UROS: variants seen among roughly 807,000 people sequenced by gnomAD.
UROS encodes the protein uroporphyrinogen III synthase, also known as uroporphyrinogen-III synthase.
In UROS, 18 loss-of-function variants were observed where a neutral mutation model predicts 33.0. The observed-to-expected ratio is 0.55, with a 90% CI of 0.38 to 0.81. The LOEUF (loss-of-function observed/expected upper bound fraction) is 0.81, where lower values mean the gene tolerates loss of function less well. Among genes scored for constraint, UROS ranks in the 30% least tolerant of loss-of-function variants. The pLI is 0.00. For missense variants in UROS, 293 were observed against 314.9 expected (o/e 0.93, Z 0.53); for synonymous variants, 114 against 121.1 (o/e 0.94, Z 0.38).
chr10:125,786,652 T>G (rs1850640311), downstream of UROS, among the ~76,000 whole-genome samples: 2 of 152,302 alleles, frequency 1.3e-5, no homozygotes, highest in South Asian at 4.1e-4. Flanking sequence ...CAGTTGTATC[T>G]TTGAAGAAAA....
Position 125,788,603 on chromosome 10 carries a change from GTTTA to G in UROS, c.*261_*264del, listed in dbSNP as rs1589905418. On this transcript the variant is annotated 3_prime_UTR_variant, in exon 10 of 10. Coordinates refer to ENST00000368797, the MANE Select transcript of UROS (RefSeq NM_000375.3). ...TCAGTAAGCACAGGTAGTCAGTGTG[GTTTA>G]TTTGACTTCCTTCCTGCTGGGCACA... 1 of 1,396,572 alleles carries G rather than the reference GTTTA, an allele frequency of 7.2e-7. No homozygotes were observed. The highest frequency in any genetic ancestry group is 2.7e-4 in the Middle Eastern group (1 of 3,764). The allele number at this position is 1,396,572 out of a possible 1,614,324, so 86.5% of individuals were successfully genotyped here. A position where few individuals can be genotyped will look rare whatever the true frequency, so the allele number is the denominator to read the frequency against.
At chr10:125,803,127 G>A in intron 6 of UROS, 1 of 1,532,726 alleles carries the variant, frequency 6.5e-7, no homozygotes, top group Non-Finnish European at 8.9e-7. Context: ...GCCAGTCCTA[G>A]GCTTGAGCCC....
chr10:125,798,022 G>T, intron 7 of UROS, 43 bp downstream of exon 7: 1 of 1,606,062 alleles, frequency 6.2e-7, no homozygotes, highest in Non-Finnish European at 8.5e-7. Context: ...GCTCCTGGTG[G>T]ATCCCAAAGT....
chr10:125,805,722 T>C (rs1303564261), intron 6 of UROS, among the ~76,000 whole-genome samples: 2 of 152,100 alleles, frequency 1.3e-5, no homozygotes, highest in Non-Finnish European at 2.9e-5. Flanking sequence ...CAGCTTGCAG[T>C]GGACACGATT....
intron 1 of UROS, among the ~76,000 whole-genome samples, chr10:125,822,524 T>A (rs1229781442): frequency 6.6e-6 from 1 of 152,134 alleles, no homozygotes; most frequent in Non-Finnish European, 1.5e-5. Context: ...GATTTCGCCA[T>A]GTTGGGCAGG....
rs117807047 is a variant in UROS at position 125,799,566 on chromosome 10, G to A, written c.395-1421C>T. On this transcript the variant is annotated intron_variant, in intron 6 of 9. Transcript: ENST00000368797. ...CTTCCCTTGGCAGCACCTCTTGTGA[G>A]GGTCCAGTGGAGTCCTGAGCTGCTC... 6.2e-3 allele frequency among the ~76,000 whole-genome samples: 949 copies of A among 152,294 alleles called. 10 individuals are homozygous for A. The Middle Eastern group carries it at 0.085, about 14-fold the overall frequency.
Position 125,816,478 on chromosome 10 carries a change from C to A in UROS, c.22G>T (p.Asp8Tyr). ...TGGCCACAGTCATCTTCCTTCGCAT[C>A]CTTCAGTAAAAGAACCTTCATTATT... The part of the protein sequence containing the change: MKVLLLK[D>Y]AKEDDCGQDP... Residue 8 changes from aspartate to tyrosine, a missense_variant, in exon 2 of 10, where the codon GAT (aspartate) becomes TAT (tyrosine). By Grantham distance (160) the Asp-to-Tyr change is radical (BLOSUM62 -3). Transcript: ENST00000368797. 2 of 1,614,184 alleles carry A rather than the reference C, an allele frequency of 1.2e-6. No homozygotes were observed. Among genetic ancestry groups the A allele is most frequent in the Admixed American group, 1.7e-5 (1 of 60,018 alleles).
intron 4 of UROS, among the ~76,000 whole-genome samples, chr10:125,812,927 C>T (rs1852940660): frequency 6.6e-6 from 1 of 152,172 alleles, no homozygotes; most frequent in Admixed American, 6.5e-5. Flanking sequence ...GCATTCATTA[C>T]ATTTTTAGAA....
intron 8 of UROS, 103 bp from the exon 9 acceptor site, chr10:125,795,081 A>C (rs1407141694): frequency 1.8e-5 from 20 of 1,129,808 alleles, no homozygotes; most frequent in Non-Finnish European, 2.7e-5. Flanking sequence ...CAGGCCACCA[A>C]GGCGGTTTTA....
intron 1 of UROS, among the ~76,000 whole-genome samples, chr10:125,818,999 T>G (rs1040376467): frequency 6.8e-5 from 10 of 147,182 alleles, no homozygotes; most frequent in African/African-American, 2.3e-4. Context: ...TGTTGTTGTT[T>G]TTTGAGATGC....
chr10:125,821,795 A>G (rs1255713681), intron 1 of UROS, among the ~76,000 whole-genome samples: 1 of 152,204 alleles, frequency 6.6e-6, no homozygotes, highest in Non-Finnish European at 1.5e-5. Flanking sequence ...CATTACAGGA[A>G]CATGTTTTTG....
At chr10:125,800,277 C>G (rs2133856918) in intron 6 of UROS, among the ~76,000 whole-genome samples, 1 of 152,354 alleles carries the variant, frequency 6.6e-6, no homozygotes, top group South Asian at 2.1e-4. Context: ...AAACCAGCGA[C>G]CCAGGGGCAG....
At position 125,812,139 on chromosome 10, in the gene UROS, C is replaced by A. The variant is rs915235681; in HGVS notation, c.319+75G>T. The A allele has an allele frequency of 4.0e-5, 56 of 1,399,106 alleles. No homozygotes were observed. The African/African-American group carries it at 6.6e-4, about 16-fold the overall frequency. The allele number at this position is 1,399,106 out of a possible 1,614,324, so 86.7% of individuals were successfully genotyped here. On this transcript the variant is annotated intron_variant, in intron 5 of 9. Transcript: ENST00000368797. The stretch of plus-strand genomic sequence containing the variant: ...ATAAGCAAAAAATAATATTTTTAAA[C>A]TGAGTTAAACTGTTTTTTAAAACTG...
chr10:125,822,465 G>A (rs1854040395), intron 1 of UROS, among the ~76,000 whole-genome samples: 1 of 152,132 alleles, frequency 6.6e-6, no homozygotes, highest in African/African-American at 2.4e-5. Flanking sequence ...TGGGACTACA[G>A]GCGCGCACCA....
downstream of UROS, among the ~76,000 whole-genome samples, chr10:125,786,946 G>A (rs1850648678): frequency 2.6e-5 from 4 of 152,196 alleles, no homozygotes; most frequent in African/African-American, 9.7e-5. Flanking sequence ...GCCAAAGCAA[G>A]CCCAGGCTCC....
rs1162386727 is a variant in UROS at position 125,813,984 on chromosome 10, C to T, written c.244+1050G>A. On this transcript the variant is annotated intron_variant, in intron 4 of 9. Coordinates refer to ENST00000368797, the MANE Select transcript of UROS (RefSeq NM_000375.3). The stretch of plus-strand genomic sequence containing the variant: ...GATGCTTTCCTTTGGGACTCAGACT[C>T]TGCAGCTTGAATCCTGCACTTGTGC... 3.9e-5 allele frequency among the ~76,000 whole-genome samples: 6 copies of T among 152,228 alleles called. 1 individual carries two copies. The South Asian group carries it at 1.2e-3, about 32-fold the overall frequency.
intron 9 of UROS, chr10:125,789,283 C>G (rs1203249572): frequency 7.2e-7 from 1 of 1,384,410 alleles, no homozygotes; most frequent in African/African-American, 1.5e-5. Flanking sequence ...TGGTGCTCAC[C>G]ATCACGGCTG....
At chr10:125,809,922 G>A (rs74914169) in intron 5 of UROS, among the ~76,000 whole-genome samples, 233 of 152,312 alleles carry the variant, frequency 1.5e-3, no homozygotes, top group East Asian at 0.015. Flanking sequence ...TTATGTCAGC[G>A]TGCAACATTT....
intron 6 of UROS, among the ~76,000 whole-genome samples, chr10:125,799,348 A>T (rs143469083): frequency 1.8e-4 from 28 of 152,296 alleles, no homozygotes; most frequent in African/African-American, 6.3e-4. Flanking sequence ...CCCTAGAGAC[A>T]TATTTTCAAA....
Sources: gnomAD v4.1 joint callset for allele counts (sites outside exome capture counted in the v4.1 genomes callset) on GRCh38, gnomAD v4.1.1 for gene constraint, MANE v1.5 for transcripts, NCBI Gene and HGNC (gene_info 2026-07-23, HGNC 2026-07-21) for gene names.